ZC3H7A: variants seen among roughly 807,000 people sequenced by gnomAD.
ZC3H7A encodes zinc finger CCCH-type containing 7A.
Under a neutral mutation model 125.5 loss-of-function variants are expected in ZC3H7A, and 44 were observed. That is an observed-to-expected ratio of 0.35 (90% CI 0.28 to 0.45). The LOEUF (loss-of-function observed/expected upper bound fraction) is 0.45, where lower values mean the gene tolerates loss of function less well. ZC3H7A is among the 20% of genes least tolerant of loss of function. The pLI, the probability that ZC3H7A is intolerant of heterozygous loss-of-function variation, is 1.00. For synonymous variants in ZC3H7A, 399 were observed against 391.2 expected (o/e 1.02, Z -0.23); for missense variants, 977 against 1,170.7 (o/e 0.83, Z 2.41).
intron 19 of ZC3H7A, among the ~76,000 whole-genome samples, chr16:11,760,122 G>GAAAAAAAA (rs66812605): frequency 0.025 from 2,028 of 82,306 alleles, 7 homozygotes; most frequent in Middle Eastern, 0.032. Flanking sequence ...AAGAAAAAAT[G>GAAAAAAAA]AAAAAAAAAA....
Position 11,765,349 on chromosome 16 carries a change from C to T in ZC3H7A, c.1719+140G>A, listed in dbSNP as rs956650423. 4.8e-6 allele frequency: 3 copies of T among 624,166 alleles called. No homozygotes were observed. The African/African-American group carries it at 5.7e-5, about 12-fold the overall frequency. 38.7% of individuals were successfully genotyped at this position (624,166 alleles called of 1,614,324 possible). A position where few individuals can be genotyped will look rare whatever the true frequency, so the allele number is the denominator to read the frequency against. On this transcript the variant is annotated intron_variant, in intron 14 of 22. Coordinates refer to ENST00000355758, the MANE Select transcript of ZC3H7A (RefSeq NM_014153.4). This position sits in a 1 kb window ranked among gnomAD's most constrained non-coding sequence, Gnocchi z 4.8. The stretch of plus-strand genomic sequence containing the variant: ...GGGAGGACCAGAGGAATATTTTATT[C>T]ATAAATATGATATTATTTATCATAT...
rs929402116 is a variant in ZC3H7A, at chr16:11,797,039, G to C, written c.-35+85C>G. ...GCCGTCCGTTAACGGCCGCGCGCGA[G>C]CACGAGGCGGCGGCGCGCGCGGGGG... On this transcript the variant is annotated intron_variant, in intron 1 of 22. Coordinates refer to ENST00000355758, the MANE Select transcript of ZC3H7A (RefSeq NM_014153.4). 3.5e-5 allele frequency: 5 copies of C among 144,742 alleles called. No homozygotes were observed. The East Asian group carries it at 8.7e-4, about 25-fold the overall frequency. 9.0% of individuals were successfully genotyped at this position (144,742 alleles called of 1,614,324 possible).
At chr16:11,794,377 C>T (rs2053400200) in intron 1 of ZC3H7A, among the ~76,000 whole-genome samples, 1 of 152,192 alleles carries the variant, frequency 6.6e-6, no homozygotes, top group South Asian at 2.1e-4. Flanking sequence ...CTTTTGTGTA[C>T]ATGTAAATTA....
chr16:11,761,401 T>C lies in ZC3H7A; in HGVS notation c.2319+5A>G, dbSNP rs1486876788. The C allele has an allele frequency of 5.6e-6, 9 of 1,613,230 alleles. No homozygotes were observed. Among genetic ancestry groups the C allele is most frequent in the East Asian group, 2.2e-5 (1 of 44,866 alleles). On this transcript the variant is annotated splice_donor_5th_base_variant and intron_variant, in intron 19 of 22. Transcript: ENST00000355758. ...AAAAAAGTGGCTTAAAAATTACGTA[T>C]GTACATCAAACTGTAAAGGCATTTG...
chr16:11,772,276 C>T (rs1053421079), intron 9 of ZC3H7A, among the ~76,000 whole-genome samples: 2 of 151,326 alleles, frequency 1.3e-5, no homozygotes, highest in Admixed American at 6.6e-5. Flanking sequence ...GATCCAGAGA[C>T]GGGAGCTGGA....
rs1320038660 is a variant in ZC3H7A, at chr16:11,751,975, G to A, written c.2727-469C>T. Among the ~76,000 whole-genome samples the A allele has an allele frequency of 2.1e-5, 3 of 144,492 alleles. No individual in the cohort carries two copies. The South Asian group carries it at 6.5e-4, about 31-fold the overall frequency. 94.8% of individuals were successfully genotyped at this position (144,492 alleles called of 152,430 possible). On this transcript the variant is annotated intron_variant, in intron 22 of 22. Coordinates refer to ENST00000355758, the MANE Select transcript of ZC3H7A (RefSeq NM_014153.4). ...GGCTGAAGTGCAGTAACGCAACCTCGGCTCACTACAACCTCCACCTCCTGG... is the reference window on the plus strand; with the variant it reads ...GGCTGAAGTGCAGTAACGCAACCTCAGCTCACTACAACCTCCACCTCCTGG...
At chr16:11,770,655 A>G (rs894927229) in intron 10 of ZC3H7A, 128 bp downstream of exon 10, 4 of 953,906 alleles carry the variant, frequency 4.2e-6, no homozygotes, top group Admixed American at 2.9e-5. Flanking sequence ...CTTAGTCTTT[A>G]TATTTTTAGC....
At chr16:11,780,196 T>C (rs2053152649) in intron 3 of ZC3H7A, among the ~76,000 whole-genome samples, 1 of 151,554 alleles carries the variant, frequency 6.6e-6, no homozygotes, top group Non-Finnish European at 1.5e-5. Context: ...ATCTCGGCTC[T>C]CTGCGACTTC....
chr16:11,782,705 T>G (rs2141210711), intron 1 of ZC3H7A, among the ~76,000 whole-genome samples: 1 of 140,494 alleles, frequency 7.1e-6, no homozygotes. Flanking sequence ...AAACTTCACC[T>G]CCAGGGTTCA....
chr16:11,796,817 T>C (rs2053446590), intron 1 of ZC3H7A: 1 of 151,844 alleles, frequency 6.6e-6, no homozygotes, highest in Admixed American at 6.6e-5. Flanking sequence ...AAAAAAATTT[T>C]TTTTTAGTGA....
intron 5 of ZC3H7A, 82 bp from the exon 6 acceptor site, chr16:11,776,614 A>G: frequency 1.3e-6 from 2 of 1,501,990 alleles, no homozygotes; most frequent in Non-Finnish European, 1.8e-6. Flanking sequence ...GAAGTTTCCC[A>G]TCAAGACACC....
intron 3 of ZC3H7A, 115 bp from the exon 4 acceptor site, chr16:11,779,478 T>C (rs1277565121): frequency 6.8e-6 from 6 of 880,760 alleles, no homozygotes; most frequent in South Asian, 3.6e-5. Context: ...AACAGCAGCA[T>C]TGCTCTAAGA....
intron 10 of ZC3H7A, among the ~76,000 whole-genome samples, chr16:11,769,387 C>A (rs903227548): frequency 6.6e-6 from 1 of 152,004 alleles, no homozygotes. Flanking sequence ...TCTTTATATT[C>A]AAAAATGGGA....
intron 10 of ZC3H7A, among the ~76,000 whole-genome samples, chr16:11,770,226 A>G (rs1596388830): frequency 6.6e-6 from 1 of 152,184 alleles, no homozygotes; most frequent in African/African-American, 2.4e-5. Context: ...ATGCCTTCAA[A>G]AAAATATTTT....
chr16:11,781,509 C>T (rs762639580), intron 2 of ZC3H7A, 45 bp from the exon 3 acceptor site: 15 of 1,594,482 alleles, frequency 9.4e-6, no homozygotes, highest in Middle Eastern at 1.7e-4. Context: ...AGCTCCTTAT[C>T]GGGACCTGTT....
chr16:11,770,058 A>AT (rs2052952233), intron 10 of ZC3H7A, among the ~76,000 whole-genome samples: 1 of 151,986 alleles, frequency 6.6e-6, no homozygotes, highest in African/African-American at 2.4e-5. Context: ...AAGTGCTGGG[A>AT]TTACAGGCAT....
chr16:11,782,415 C>A, intron 1 of ZC3H7A, 27 bp from the exon 2 acceptor site: 1 of 1,597,658 alleles, frequency 6.3e-7, no homozygotes, highest in East Asian at 2.2e-5. Flanking sequence ...CAAAAAAGCA[C>A]ATAAGGTACC....
At chr16:11,793,733 G>A (rs2053389285) in intron 1 of ZC3H7A, among the ~76,000 whole-genome samples, 1 of 152,192 alleles carries the variant, frequency 6.6e-6, no homozygotes, top group Admixed American at 6.5e-5. Flanking sequence ...GGGGCACAAG[G>A]CAAGCCTCAG....
intron 1 of ZC3H7A, among the ~76,000 whole-genome samples, chr16:11,786,853 G>A (rs1365386857): frequency 2.6e-5 from 4 of 152,056 alleles, no homozygotes; most frequent in Admixed American, 6.6e-5. Context: ...TTATCTATCT[G>A]CTCATCCTTC....
Sources: gnomAD v4.1 joint callset for allele counts (sites outside exome capture counted in the v4.1 genomes callset) on GRCh38, gnomAD v4.1.1 for gene constraint, Gnocchi (gnomAD v3.1) non-coding constraint, MANE v1.5 for transcripts, NCBI Gene and HGNC (gene_info 2026-07-23, HGNC 2026-07-21) for gene names.